Variants in ZNF740 observed in about 807,000 individuals in gnomAD.
The protein encoded by ZNF740 is oriLyt TD-element-binding protein 7.
A neutral mutation model predicts 24.8 loss-of-function variants in ZNF740; 14 were observed. The observed-to-expected ratio is 0.56, with a 90% CI of 0.37 to 0.88. ZNF740 has a LOEUF of 0.88. ZNF740 is among the 40% of genes least tolerant of loss of function. The pLI, the probability that ZNF740 is intolerant of heterozygous loss-of-function variation, is 0.00. For missense variants in ZNF740, 201 were observed against 247.9 expected, an observed-to-expected ratio of 0.81 and a Z score of 1.27; for synonymous variants, 69 against 84.0, an observed-to-expected ratio of 0.82 and a Z score of 0.98.
rs773757728 is a variant in ZNF740, at chr12:53,193,314, G to A, written c.*5724G>A. On this transcript the variant is annotated 3_prime_UTR_variant, in exon 7 of 7. Transcript: ENST00000416904. ...CCAGATTCCAGGTCTGGGGAGGACA[G>A]CTCTGCCACAGAGCACTCACAGAGC... 12 of 1,609,048 alleles carry A rather than the reference G, an allele frequency of 7.5e-6. No individual in the cohort carries two copies. The highest frequency in any genetic ancestry group is 1.0e-5 in the Non-Finnish European group (12 of 1,176,236).
chr12:53,184,150 T>TGTGTGTGTGTGTGC (rs59250662), intron 2 of ZNF740, among the ~76,000 whole-genome samples: 98 of 104,422 alleles, frequency 9.4e-4, no homozygotes, highest in South Asian at 6.9e-3. Flanking sequence ...TGTGTGTGTG[T>TGTGTGTGTGTGTGC]GCGCGCGCGC....
In ZNF740 at chr12:53,192,017, C is replaced by T. The variant is rs763753687; in HGVS notation, c.*4427C>T. The T allele has an allele frequency of 6.8e-6, 11 of 1,610,520 alleles. No homozygotes were observed. The highest frequency in any genetic ancestry group is 3.3e-5 in the South Asian group (3 of 91,016). The stretch of plus-strand genomic sequence containing the variant: ...ACAATGGCCTGCGTGTGGTCTGCTC[C>T]CTCTGTGAACAAGAAACCAGACACA... On this transcript the variant is annotated 3_prime_UTR_variant, in exon 7 of 7. Transcript: ENST00000416904.
chr12:53,185,927 C>G (rs1175170805), intron 4 of ZNF740, 27 bp from the exon 5 acceptor site: 16 of 1,611,886 alleles, frequency 9.9e-6, no homozygotes, highest in Non-Finnish European at 1.0e-5. Flanking sequence ...GTGGTGGCCT[C>G]ATGACATGCC....
Position 53,192,748 on chromosome 12 carries a change from T to C in ZNF740, c.*5158T>C, listed in dbSNP as rs1284381209. 1 of 1,614,240 alleles carries C rather than the reference T, an allele frequency of 6.2e-7. No individual in the cohort carries two copies. Among genetic ancestry groups the C allele is most frequent in the Non-Finnish European group, 8.5e-7 (1 of 1,180,036 alleles). ...GCATTGGTCGCATAGAGCACCATAG[T>C]AGCCGTCCAAGCACTGGCAGCGGTT... On this transcript the variant is annotated 3_prime_UTR_variant, in exon 7 of 7. Transcript: ENST00000416904.
intron 1 of ZNF740, chr12:53,181,116 C>T: frequency 1.0e-6 from 1 of 965,124 alleles, no homozygotes; most frequent in Non-Finnish European, 1.2e-6. Context: ...TCCGGCTCTG[C>T]TCCCGGTTGG....
rs1332595021 is a variant in ZNF740 at position 53,194,306 on chromosome 12, G to C, written c.*6716G>C. ...CGTAAGAAATGTGGACCCCAGGAGG[G>C]AGTGAAGAGTGTTCAAGGGTCACGG... On this transcript the variant is annotated 3_prime_UTR_variant, in exon 7 of 7. Transcript: ENST00000416904. 3.1e-6 allele frequency: 5 copies of C among 1,613,896 alleles called. No individual in the cohort carries two copies. Among genetic ancestry groups the C allele is most frequent in the African/African-American group, 1.3e-5 (1 of 74,860 alleles).
rs529424746 is a variant in ZNF740, at chr12:53,194,491, T to G, written c.*6901T>G. On this transcript the variant is annotated 3_prime_UTR_variant, in exon 7 of 7. Transcript: ENST00000416904. ...TTCCATTCTGCCCAGTCGAGGCATT[T>G]CTGGAGGGAGGACCCGTGAGAACCT... 157 of 726,958 alleles carry G rather than the reference T, an allele frequency of 2.2e-4. No individual in the cohort carries two copies. In the South Asian group the frequency reaches 2.7e-3, roughly 12 times the overall value. The allele number at this position is 726,958 out of a possible 1,614,324, so 45.0% of individuals were successfully genotyped here.
In ZNF740 at chr12:53,192,380, A is replaced by G; in HGVS notation, c.*4790A>G. On this transcript the variant is annotated 3_prime_UTR_variant, in exon 7 of 7. Coordinates refer to ENST00000416904, the MANE Select transcript of ZNF740 (RefSeq NM_001004304.4). ...GACCGTGCCTCTGGCGTCATCCTCC[A>G]CCAAGAAGAAGAACAGCTGGTTGTC... The G allele has an allele frequency of 6.2e-7, 1 of 1,613,946 alleles. No individual in the cohort carries two copies.
chr12:53,182,120 G>A, intron 2 of ZNF740, 128 bp downstream of exon 2: 1 of 1,332,098 alleles, frequency 7.5e-7, no homozygotes, highest in South Asian at 1.4e-5. Flanking sequence ...GCACCAGGGG[G>A]AGATCTAGAG....
In ZNF740 at chr12:53,184,150, T is replaced by TGTGTGTGTGTGTGTGTGTGTGCGC. The variant is rs59250662; in HGVS notation, c.10-740_10-739insTGTGTGTGTGTGTGTGTGTGCGCG. Among the ~76,000 whole-genome samples, 7 of 104,426 alleles carry TGTGTGTGTGTGTGTGTGTGTGCGC rather than the reference T, an allele frequency of 6.7e-5. No homozygotes were observed. The East Asian group carries it at 1.4e-3, about 21-fold the overall frequency. The allele number at this position is 104,426 out of a possible 152,430, so 68.5% of individuals were successfully genotyped here. On this transcript the variant is annotated intron_variant, in intron 2 of 6. Coordinates refer to ENST00000416904, the MANE Select transcript of ZNF740 (RefSeq NM_001004304.4). ...GTGTGTGTGTGTGTGTGTGTGTGTG[T>TGTGTGTGTGTGTGTGTGTGTGCGC]GCGCGCGCGCGCTCTGAAGCTAAGG...
rs1476050469 is a variant in ZNF740 at position 53,192,098 on chromosome 12, C to G, written c.*4508C>G. On this transcript the variant is annotated 3_prime_UTR_variant, in exon 7 of 7. Transcript: ENST00000416904. ...ATCAGTTGCTCACAGTGTGTCCAGC[C>G]TGTCCAACCCTGTCTGTCACTGAAA... 6 of 1,489,128 alleles carry G rather than the reference C, an allele frequency of 4.0e-6. No homozygotes were observed. Among genetic ancestry groups the G allele is most frequent in the Non-Finnish European group, 3.6e-6 (4 of 1,101,354 alleles). The allele number at this position is 1,489,128 out of a possible 1,614,324, so 92.2% of individuals were successfully genotyped here. A position where few individuals can be genotyped will look rare whatever the true frequency, so the allele number is the denominator to read the frequency against.
At chr12:53,184,422 G>C (rs867781559) in intron 2 of ZNF740, among the ~76,000 whole-genome samples, 1 of 152,004 alleles carries the variant, frequency 6.6e-6, no homozygotes, top group African/African-American at 2.4e-5. Flanking sequence ...TCCTGACTTC[G>C]TGATCCGCCC....
chr12:53,189,010 G>A lies in ZNF740; in HGVS notation c.*1420G>A, dbSNP rs1941878295. 1 of 152,180 alleles carries A rather than the reference G, an allele frequency of 6.6e-6. No homozygotes were observed. The highest frequency in any genetic ancestry group is 2.4e-5 in the African/African-American group (1 of 41,432). 9.4% of individuals were successfully genotyped at this position (152,180 alleles called of 1,614,324 possible). A position where few individuals can be genotyped will look rare whatever the true frequency, so the allele number is the denominator to read the frequency against. On this transcript the variant is annotated 3_prime_UTR_variant, in exon 7 of 7. Transcript: ENST00000416904. ...TGGCCCTCACCTTCAGGGAGGATGA[G>A]TGGAAAATAGCCTCCTCTTGCCCAA...
Position 53,191,462 on chromosome 12 carries a change from C to T in ZNF740, c.*3872C>T. ...CCGCACCTCGCCAGTGAATTAGTCC[C>T]CTACCAAGGTCTTACAGACCCACCC... is the stretch of plus-strand genomic sequence containing the variant. On this transcript the variant is annotated 3_prime_UTR_variant, in exon 7 of 7. Transcript: ENST00000416904. The T allele has an allele frequency of 2.0e-6, 2 of 982,954 alleles. No individual in the cohort carries two copies. Among genetic ancestry groups the T allele is most frequent in the Admixed American group, 1.7e-5 (1 of 58,752 alleles). 60.9% of individuals were successfully genotyped at this position (982,954 alleles called of 1,614,324 possible). A position where few individuals can be genotyped will look rare whatever the true frequency, so the allele number is the denominator to read the frequency against.
rs1191542608 is a variant in ZNF740, at chr12:53,192,292, T to A, written c.*4702T>A. ...ATCCCCAGAGTTGAGACCCTGCCCA[T>A]CAAACTTCCAGGGTTTGTGGCATCC... is the stretch of plus-strand genomic sequence containing the variant. On this transcript the variant is annotated 3_prime_UTR_variant, in exon 7 of 7. Transcript: ENST00000416904. The A allele has an allele frequency of 1.9e-6, 3 of 1,601,538 alleles. No individual in the cohort carries two copies. The African/African-American group carries it at 4.0e-5, about 21-fold the overall frequency.
At chr12:53,185,264 C>T (rs574590307) in intron 3 of ZNF740, 123 bp from the exon 4 acceptor site, 6 of 1,198,508 alleles carry the variant, frequency 5.0e-6, no homozygotes, top group Middle Eastern at 2.0e-4. Context: ...TAGTTGTATA[C>T]TTCCTCTAAG....
chr12:53,185,612 AT>A, intron 4 of ZNF740, 136 bp downstream of exon 4: 4 of 801,866 alleles, frequency 5.0e-6, no homozygotes, highest in Non-Finnish European at 8.0e-6. Flanking sequence ...AGTCCCCCAG[AT>A]TTCATCCAGA....
intron 2 of ZNF740, among the ~76,000 whole-genome samples, chr12:53,183,629 T>C (rs924796785): frequency 6.6e-6 from 1 of 151,300 alleles, no homozygotes; most frequent in African/African-American, 2.5e-5. Flanking sequence ...GAGCAAGGAA[T>C]GTGAAAAAAA....
chr12:53,190,685 T>G lies in ZNF740; in HGVS notation c.*3095T>G, dbSNP rs557790618. The G allele has an allele frequency of 3.9e-5, 6 of 152,272 alleles. No individual in the cohort carries two copies. Among genetic ancestry groups the G allele is most frequent in the South Asian group, 2.1e-4 (1 of 4,822 alleles). The allele number at this position is 152,272 out of a possible 1,614,324, so 9.4% of individuals were successfully genotyped here. ...CCTCTCCACCCTGTTTTTTGTTTTT[T>G]TTTTTTTTAAATAATATTTTGCTAT... On this transcript the variant is annotated 3_prime_UTR_variant, in exon 7 of 7. Coordinates refer to ENST00000416904, the MANE Select transcript of ZNF740 (RefSeq NM_001004304.4).
Sources: gnomAD v4.1 joint callset for allele counts (sites outside exome capture counted in the v4.1 genomes callset) on GRCh38, gnomAD v4.1.1 for gene constraint, MANE v1.5 for transcripts, NCBI Gene and HGNC (gene_info 2026-07-23, HGNC 2026-07-21) for gene names.